VWA3B: variants seen among roughly 807,000 people sequenced by gnomAD.
VWA3B encodes von Willebrand factor A domain containing 3B, also known as von Willebrand factor A domain-containing protein 3B.
In VWA3B, 138 loss-of-function variants were observed where a neutral mutation model predicts 158.3. The ratio of observed to expected loss-of-function variants is 0.87; its 90% CI spans 0.76 to 1.00. The LOEUF (loss-of-function observed/expected upper bound fraction) is 1.00. Among genes scored for constraint, VWA3B ranks in the 50% least tolerant of loss-of-function variants. The pLI, the probability that VWA3B is intolerant of heterozygous loss-of-function variation, is 0.00. For synonymous variants in VWA3B, 596 were observed against 587.3 expected, an observed-to-expected ratio of 1.01 and a Z score of -0.21; for missense variants, 1,555 against 1,565.1, an observed-to-expected ratio of 0.99 and a Z score of 0.11.
intron 22 of VWA3B, among the ~76,000 whole-genome samples, chr2:98,274,977 T>A (rs1875880): frequency 0.19 from 29,310 of 152,214 alleles, 3,159 homozygotes; most frequent in Admixed American, 0.34. Flanking sequence ...CCTCTGCTCC[T>A]CAGGGAGACA....
intron 14 of VWA3B, among the ~76,000 whole-genome samples, chr2:98,220,165 T>TAAAAAAA (rs58005028): frequency 2.4e-5 from 2 of 83,656 alleles, no homozygotes; most frequent in Non-Finnish European, 4.4e-5. Context: ...ACCTGTCTCA[T>TAAAAAAA]AAAAAAAAAA....
At chr2:98,094,692 C>T (rs1446754727) in intron 2 of VWA3B, among the ~76,000 whole-genome samples, 1 of 152,098 alleles carries the variant, frequency 6.6e-6, no homozygotes, top group Non-Finnish European at 1.5e-5. Flanking sequence ...TCCAAAAAAT[C>T]ATCACCCAGA....
intron 7 of VWA3B, among the ~76,000 whole-genome samples, chr2:98,160,673 G>A (rs1678499902): frequency 6.6e-6 from 1 of 152,234 alleles, no homozygotes; most frequent in Non-Finnish European, 1.5e-5. Context: ...CCTCCAGGCT[G>A]AAGCAAGCAG....
In VWA3B at chr2:98,110,068, T is replaced by C. The variant is rs936729569; in HGVS notation, c.197-5584T>C. Among the ~76,000 whole-genome samples the C allele has an allele frequency of 2.0e-5, 3 of 150,328 alleles. No homozygotes were observed. The South Asian group carries it at 6.3e-4, about 31-fold the overall frequency. ...AAATTTGGAGAATTTTCAACCCTTA[T>C]GTCTTTGAATTCTTTTTTTTTTTCT... On this transcript the variant is annotated intron_variant, in intron 2 of 27. Transcript: ENST00000477737.
At chr2:98,230,570 G>A (rs1032536265) in intron 16 of VWA3B, among the ~76,000 whole-genome samples, 4 of 152,014 alleles carry the variant, frequency 2.6e-5, no homozygotes, top group Non-Finnish European at 2.9e-5. Context: ...GTTTGATCAC[G>A]TGTATAGGTT....
intron 26 of VWA3B, among the ~76,000 whole-genome samples, chr2:98,309,953 C>G (rs933167556): frequency 6.6e-6 from 1 of 152,110 alleles, no homozygotes; most frequent in Non-Finnish European, 1.5e-5. Context: ...GGACACGTGC[C>G]GTTGCTTACA....
chr2:98,277,975 A>G (rs1162561748), intron 22 of VWA3B, among the ~76,000 whole-genome samples: 1 of 151,404 alleles, frequency 6.6e-6, no homozygotes, highest in Non-Finnish European at 1.5e-5. Context: ...TTTTTTTTAC[A>G]GTCCATTAAC....
intron 19 of VWA3B, among the ~76,000 whole-genome samples, chr2:98,239,528 GTT>G (rs60351860): frequency 0.01 from 1,496 of 143,298 alleles, 30 homozygotes; most frequent in African/African-American, 0.036. Context: ...GTTGGGAGAT[GTT>G]TTTTTTTTTT....
rs774738466 is a variant in VWA3B at position 98,121,414 on chromosome 2, G to C, written c.658G>C (p.Ala220Pro). 3.1e-6 allele frequency: 5 copies of C among 1,614,082 alleles called. No individual in the cohort carries two copies. The highest frequency in any genetic ancestry group is 2.7e-5 in the African/African-American group (2 of 74,938). Residue 220 changes from alanine to proline, a missense_variant, in exon 5 of 28, where the codon GCT (alanine) becomes CCT (proline). Ala to Pro is a conservative substitution (Grantham distance 27). Transcript: ENST00000477737. Reference sequence around the variant, plus strand: ...GACGGTTGAGCTGACTGTGAGCGAGGCTGGCCGCCTGGATGCTCTGCTGGA... The same window carrying C: ...GACGGTTGAGCTGACTGTGAGCGAGCCTGGCCGCCTGGATGCTCTGCTGGA... ...KLTVELTVSEAGRLDALLEAG... is the reference protein window; with the variant it reads ...KLTVELTVSEPGRLDALLEAG...
intron 14 of VWA3B, among the ~76,000 whole-genome samples, chr2:98,225,497 A>C (rs988247063): frequency 6.6e-6 from 1 of 152,238 alleles, no homozygotes; most frequent in Non-Finnish European, 1.5e-5. Flanking sequence ...AGTCATACTT[A>C]GTAGTGAAAG....
rs1239331743 is a variant in VWA3B at position 98,119,600 on chromosome 2, A to C, written c.379A>C (p.Thr127Pro). Residue 127 changes from threonine to proline, a missense_variant, in exon 4 of 28, where the codon ACC (threonine) becomes CCC (proline). Thr to Pro is a conservative substitution (Grantham distance 38). Coordinates refer to ENST00000477737, the MANE Select transcript of VWA3B (RefSeq NM_144992.5). ...CTACAAGCAGCGAATGGACTGGCTC[A>C]CCAGCAAGAGCCGGCAGATTTTTGG... is the stretch of plus-strand genomic sequence containing the variant. ...ESYKQRMDWLTSKSRQIFGVI... is the reference protein window; with the variant it reads ...ESYKQRMDWLPSKSRQIFGVI... The C allele has an allele frequency of 6.2e-7, 1 of 1,614,170 alleles. No individual in the cohort carries two copies.
intron 9 of VWA3B, among the ~76,000 whole-genome samples, chr2:98,184,727 C>T (rs1166715662): frequency 6.6e-6 from 1 of 152,228 alleles, no homozygotes; most frequent in Non-Finnish European, 1.5e-5. Flanking sequence ...GAGAAGCCCT[C>T]CCTGCAGCCC....
At chr2:98,214,171 A>G (rs1683776430) in intron 13 of VWA3B, among the ~76,000 whole-genome samples, 1 of 152,084 alleles carries the variant, frequency 6.6e-6, no homozygotes. Context: ...AGCCTGGGCA[A>G]CAGAGCGAGT....
intron 5 of VWA3B, among the ~76,000 whole-genome samples, chr2:98,124,470 C>T (rs569111554): frequency 6.9e-4 from 105 of 152,160 alleles, no homozygotes; most frequent in African/African-American, 2.1e-3. Flanking sequence ...TAGGAGGGAT[C>T]TGAGAGGTGA....
chr2:98,248,147 T>C (rs1361884672), intron 19 of VWA3B, among the ~76,000 whole-genome samples: 1 of 152,138 alleles, frequency 6.6e-6, no homozygotes, highest in African/African-American at 2.4e-5. Flanking sequence ...GACACTTTAG[T>C]AAATTTTTGT....
intron 7 of VWA3B, among the ~76,000 whole-genome samples, chr2:98,146,396 C>A (rs1010640661): frequency 6.6e-6 from 1 of 152,234 alleles, no homozygotes; most frequent in Non-Finnish European, 1.5e-5. Flanking sequence ...ATCTATGCTT[C>A]ACAACTCAGG....
At chr2:98,283,676 AGCAGGCTT>A (rs562769968) in intron 22 of VWA3B, among the ~76,000 whole-genome samples, 370 of 152,348 alleles carry the variant, frequency 2.4e-3, no homozygotes, top group Middle Eastern at 6.8e-3. Flanking sequence ...CAGCAAGGGT[AGCAGGCTT>A]GCATCCTGGC....
intron 7 of VWA3B, among the ~76,000 whole-genome samples, chr2:98,149,318 A>G (rs1677427292): frequency 6.6e-6 from 1 of 152,220 alleles, no homozygotes; most frequent in Admixed American, 6.5e-5. Context: ...AAAGCAAGGG[A>G]AAAATGAAGC....
rs375450596 is a variant in VWA3B, at chr2:98,093,183, C to G, written c.91C>G (p.Gln31Glu). The change falls in exon 2 of 28, where the codon CAG becomes GAG. Residue 31 changes from glutamine to glutamate, a missense_variant. Transcript: ENST00000477737. ...TAACACCAAAACAGACTTGGCTGAG[C>G]AGAGTCTCATTTCATCTGAGAAATG... is the stretch of plus-strand genomic sequence containing the variant. ...WINTKTDLAE[Q>E]SLISSEKWLQ... The G allele has an allele frequency of 1.9e-6, 3 of 1,614,002 alleles. No individual in the cohort carries two copies. The highest frequency in any genetic ancestry group is 2.5e-6 in the Non-Finnish European group (3 of 1,180,018).
Sources: allele counts gnomAD v4.1 joint callset (sites outside exome capture counted in the v4.1 genomes callset), GRCh38; gene constraint gnomAD v4.1.1; transcripts MANE v1.5; gene names NCBI Gene and HGNC (gene_info 2026-07-23, HGNC 2026-07-21).